The following ZNF395 variants were observed in gnomAD, a reference collection of about 807,000 sequenced individuals.
The protein encoded by ZNF395 is HD gene regulatory region-binding protein 2.
ZNF395 carries 20 observed loss-of-function variants against 57.7 expected under a neutral mutation model. That is an observed-to-expected ratio of 0.35 (90% confidence interval 0.24 to 0.50). ZNF395 has a LOEUF of 0.50. Ranked by LOEUF, ZNF395 falls within the 20% of genes least tolerant of loss-of-function variation. The pLI is 0.97. For missense variants in ZNF395, 606 were observed against 671.2 expected, an observed-to-expected ratio of 0.90 and a Z score of 1.07; for synonymous variants, 295 against 275.9, an observed-to-expected ratio of 1.07 and a Z score of -0.69.
chr8:28,361,732 G>A (rs1801852012), intron 1 of ZNF395, among the ~76,000 whole-genome samples: 1 of 152,162 alleles, frequency 6.6e-6, no homozygotes, highest in Non-Finnish European at 1.5e-5. Context: ...AAAGCCTGAG[G>A]ACGTCTGTCT....
chr8:28,367,550 G>A (rs1801925551), intron 1 of ZNF395, among the ~76,000 whole-genome samples: 1 of 152,146 alleles, frequency 6.6e-6, no homozygotes, highest in Non-Finnish European at 1.5e-5. Flanking sequence ...TTGCGCTGCT[G>A]GCAGGAAAGC....
Position 28,352,730 on chromosome 8 carries a change from A to G in ZNF395, c.820-57T>C, listed in dbSNP as rs1461198774. On this transcript the variant is annotated intron_variant, in intron 5 of 9. Coordinates refer to ENST00000344423, the MANE Select transcript of ZNF395 (RefSeq NM_018660.3). The surrounding 1 kb of genome is among the most constrained non-coding windows in gnomAD (Gnocchi z 4.0). Reference sequence around the variant, plus strand: ...TGTCTTTCTCCTTATCCCTCGCTCAACCTTACCCAGTGGGGACTCAAACTG... The same window carrying G: ...TGTCTTTCTCCTTATCCCTCGCTCAGCCTTACCCAGTGGGGACTCAAACTG... 3 of 1,515,812 alleles carry G rather than the reference A, an allele frequency of 2.0e-6. No individual in the cohort carries two copies. The highest frequency in any genetic ancestry group is 2.7e-5 in the African/African-American group (2 of 73,048). The allele number at this position is 1,515,812 out of a possible 1,614,324, so 93.9% of individuals were successfully genotyped here.
intron 1 of ZNF395, among the ~76,000 whole-genome samples, chr8:28,376,341 A>C (rs1389860178): frequency 1.3e-5 from 2 of 151,992 alleles, no homozygotes; most frequent in East Asian, 3.9e-4. Context: ...TTTTTTTAAA[A>C]AAAGGCCGGG....
At chr8:28,379,127 A>T (rs1044504508) in intron 1 of ZNF395, among the ~76,000 whole-genome samples, 1 of 152,220 alleles carries the variant, frequency 6.6e-6, no homozygotes, top group African/African-American at 2.4e-5. Context: ...CCTATGTCTG[A>T]TAACCAGGAA....
At position 28,348,739 on chromosome 8, in the gene ZNF395, A is replaced by T. The variant is rs757751520; in HGVS notation, c.1522T>A (p.Cys508Ser). 6.2e-7 allele frequency: 1 copy of T among 1,614,048 alleles called. No homozygotes were observed. The highest frequency in any genetic ancestry group is 8.5e-7 in the Non-Finnish European group (1 of 1,180,014). Residue 508 changes from cysteine to serine, a missense_variant, in exon 10 of 10, where the codon TGC (cysteine) becomes AGC (serine). Cys to Ser is a moderately radical substitution (Grantham distance 112). Transcript: ENST00000344423. ...ACAGCTCAGTCCAGAAAGCGCTGGC[A>T]GGCCTTCTTCCACCGGCAGGCCGTG... ...WCTACRWKKA[C>S]QRFLD is the part of the protein sequence containing the mutation.
intron 4 of ZNF395, among the ~76,000 whole-genome samples, chr8:28,353,904 C>T (rs981578913): frequency 8.5e-5 from 13 of 152,184 alleles, no homozygotes; most frequent in African/African-American, 1.7e-4. Flanking sequence ...CTGACGCCAA[C>T]TTAAAGGTCT....
chr8:28,362,023 G>C (rs575806101), intron 1 of ZNF395, among the ~76,000 whole-genome samples: 1 of 151,574 alleles, frequency 6.6e-6, no homozygotes, highest in Non-Finnish European at 1.5e-5. Context: ...CCCAGGAGGC[G>C]GGAGGCTGCA....
intron 1 of ZNF395, among the ~76,000 whole-genome samples, chr8:28,363,418 G>C (rs1585857650): frequency 1.3e-5 from 2 of 152,076 alleles, no homozygotes; most frequent in Non-Finnish European, 2.9e-5. Context: ...ACAGGCATGA[G>C]GCACCGTGCC....
In ZNF395 at chr8:28,359,151, C is replaced by T. The variant is rs758331357; in HGVS notation, c.473+441G>A. Among the ~76,000 whole-genome samples, 3 of 152,206 alleles carry T rather than the reference C, an allele frequency of 2.0e-5. No homozygotes were observed. The highest frequency in any genetic ancestry group is 2.9e-5 in the Non-Finnish European group (2 of 68,042). ...GTGGCTCAAACCTGTAATCCCAGCACGTTGGGAGGCCAAGGCAGGTGGATC... is the reference window on the plus strand; with the variant it reads ...GTGGCTCAAACCTGTAATCCCAGCATGTTGGGAGGCCAAGGCAGGTGGATC... On this transcript the variant is annotated intron_variant, in intron 3 of 9. Coordinates refer to ENST00000344423, the MANE Select transcript of ZNF395 (RefSeq NM_018660.3). The surrounding 1 kb of genome is among the most constrained non-coding windows in gnomAD (Gnocchi z 4.7).
intron 1 of ZNF395, among the ~76,000 whole-genome samples, chr8:28,369,550 AG>A (rs1292228612): frequency 2.6e-5 from 4 of 152,208 alleles, no homozygotes; most frequent in Non-Finnish European, 4.4e-5. Flanking sequence ...CTGGAGCCAA[AG>A]CCAGTGACCG....
At chr8:28,365,190 G>T (rs917591285) in intron 1 of ZNF395, among the ~76,000 whole-genome samples, 3 of 152,200 alleles carry the variant, frequency 2.0e-5, no homozygotes, top group Admixed American at 6.5e-5. Context: ...CAACTCGATA[G>T]ACAGCACAAG....
intron 1 of ZNF395, among the ~76,000 whole-genome samples, chr8:28,380,610 G>A (rs905579008): frequency 2.0e-5 from 3 of 152,076 alleles, no homozygotes; most frequent in Non-Finnish European, 2.9e-5. Flanking sequence ...TCCAGCCCAC[G>A]TCTTACCACT....
intron 1 of ZNF395, among the ~76,000 whole-genome samples, chr8:28,372,476 G>A (rs545733459): frequency 8.5e-5 from 13 of 152,314 alleles, no homozygotes; most frequent in African/African-American, 2.9e-4. Flanking sequence ...CAAGGGCAGT[G>A]TAATAGATGG....
chr8:28,367,145 GTT>G (rs1801921118), intron 1 of ZNF395, among the ~76,000 whole-genome samples: 1 of 152,096 alleles, frequency 6.6e-6, no homozygotes, highest in African/African-American at 2.4e-5. Flanking sequence ...TTTTCTGAAG[GTT>G]TTAAAAAACT....
rs1339726510 is a variant in ZNF395 at position 28,346,287 on chromosome 8, C to T, written c.*2432G>A. Reference sequence around the variant, plus strand: ...GGGTGGGCTGGGAAGGAGGGAGATACAAAGAAGAAAGTAGGCATGATCACT... The same window carrying T: ...GGGTGGGCTGGGAAGGAGGGAGATATAAAGAAGAAAGTAGGCATGATCACT... On this transcript the variant is annotated 3_prime_UTR_variant, in exon 10 of 10. Transcript: ENST00000344423. 2 of 152,078 alleles carry T rather than the reference C, an allele frequency of 1.3e-5. No homozygotes were observed. The highest frequency in any genetic ancestry group is 2.9e-5 in the Non-Finnish European group (2 of 68,024). The allele number at this position is 152,078 out of a possible 1,614,324, so 9.4% of individuals were successfully genotyped here.
Position 28,351,707 on chromosome 8 carries a change from C to T in ZNF395, c.1021G>A (p.Ala341Thr), listed in dbSNP as rs761076557. ...ESAAAAAAAA[A>T]GTPVPGTPTS... ...GGAGTCCCAGGGACTGGGGTGCCTG[C>T]GGCAGCAGCAGCAGCAGCAGCAGCA... is the stretch of plus-strand genomic sequence containing the variant. The change falls in exon 7 of 10, where the codon GCA (alanine) becomes ACA (threonine). Residue 341 changes from alanine (A) to threonine (T), a missense_variant. Around this residue, in one of 3 missense-constraint regions of ZNF395, gnomAD observed 261 missense variants for 240.3 expected, o/e 1.09. Coordinates refer to ENST00000344423, the MANE Select transcript of ZNF395 (RefSeq NM_018660.3). The T allele has an allele frequency of 1.2e-5, 19 of 1,610,030 alleles. No individual in the cohort carries two copies. Among genetic ancestry groups the T allele is most frequent in the African/African-American group, 4.0e-5 (3 of 74,856 alleles).
Position 28,353,294 on chromosome 8 carries a change from G to A in ZNF395, c.698C>T (p.Pro233Leu). The part of the protein sequence containing the change: ...GSSGVSTPSP[P>L]HPQASPKYLG... ...ATACTTGGGGCTGGCCTGGGGGTGG[G>A]GGGGCGAGGGGGTGGAGACACCACT... is the stretch of plus-strand genomic sequence containing the variant. The change falls in exon 5 of 10, where the codon CCC (proline) becomes CTC (leucine). Residue 233 changes from proline (P) to leucine (L), a missense_variant. Coordinates refer to ENST00000344423, the MANE Select transcript of ZNF395 (RefSeq NM_018660.3). 1.2e-6 allele frequency: 2 copies of A among 1,607,998 alleles called. No individual in the cohort carries two copies. The highest frequency in any genetic ancestry group is 1.7e-6 in the Non-Finnish European group (2 of 1,177,018).
chr8:28,351,352 T>C (rs1357063358), intron 7 of ZNF395, 143 bp downstream of exon 7: 1 of 846,696 alleles, frequency 1.2e-6, no homozygotes, highest in Non-Finnish European at 1.7e-6. Flanking sequence ...GTGAATTCGG[T>C]TTCCTTTTGT....
chr8:28,349,436 C>T (rs1025003805), intron 8 of ZNF395, among the ~76,000 whole-genome samples: 2 of 152,158 alleles, frequency 1.3e-5, no homozygotes, highest in East Asian at 1.9e-4. Context: ...CAGCCAAGGA[C>T]AAGGACAGGG....
Sources: gnomAD v4.1 joint callset for allele counts (sites outside exome capture counted in the v4.1 genomes callset) on GRCh38, gnomAD v4.1.1 for gene constraint, gnomAD v4.1.1 regional missense constraint, Gnocchi (gnomAD v3.1) non-coding constraint, MANE v1.5 for transcripts, NCBI Gene and HGNC (gene_info 2026-07-23, HGNC 2026-07-21) for gene names.